Variants in AVEN observed in about 807,000 individuals in gnomAD.
AVEN encodes the protein apoptosis and caspase activation inhibitor.
AVEN carries 41 observed loss-of-function variants against 38.1 expected under a neutral mutation model. That is an observed-to-expected ratio of 1.08 (90% CI 0.84 to 1.40). AVEN has a LOEUF of 1.40. AVEN is among the 40% of genes most tolerant of loss of function. The probability of loss-of-function intolerance (pLI) is 0.00; values close to 1 mark genes in which losing one functional copy is unlikely to be tolerated. For synonymous variants in AVEN, 206 were observed against 171.8 expected (o/e 1.20, Z -1.56); for missense variants, 605 against 438.8 (o/e 1.38, Z -3.38).
chr15:33,925,501 C>A (rs972128250), intron 2 of AVEN, among the ~76,000 whole-genome samples: 1 of 152,146 alleles, frequency 6.6e-6, no homozygotes, highest in Non-Finnish European at 1.5e-5. Flanking sequence ...CCAGTCACTG[C>A]GGTGACAGCA....
intron 2 of AVEN, among the ~76,000 whole-genome samples, chr15:33,888,289 G>C (rs1259239840): frequency 6.6e-6 from 1 of 152,004 alleles, no homozygotes; most frequent in African/African-American, 2.4e-5. Flanking sequence ...CAGACACAAA[G>C]TCTTATGGGA....
intron 2 of AVEN, among the ~76,000 whole-genome samples, 189 bp from the exon 3 acceptor site, chr15:33,876,184 C>T (rs755082027): frequency 6.6e-6 from 1 of 150,494 alleles, no homozygotes; most frequent in African/African-American, 2.5e-5. Context: ...ACAATGTTAA[C>T]ATTTGATAAG....
chr15:33,860,940 C>T, intron 11 of AVEN: 1 of 622,196 alleles, frequency 1.6e-6, no homozygotes. Flanking sequence ...ATGTATGGCA[C>T]TACTGAGTGA....
intron 2 of AVEN, among the ~76,000 whole-genome samples, chr15:33,918,338 T>C (rs1893238745): frequency 6.6e-6 from 1 of 151,946 alleles, no homozygotes; most frequent in Non-Finnish European, 1.5e-5. Context: ...AAACTAATAA[T>C]AGGAACCTAG....
At chr15:33,992,719 A>T (rs1484070952) in intron 2 of AVEN, among the ~76,000 whole-genome samples, 2 of 152,222 alleles carry the variant, frequency 1.3e-5, no homozygotes, top group Non-Finnish European at 2.9e-5. Flanking sequence ...TTGTTGCCTC[A>T]TGGAAAGAAA....
intron 2 of AVEN, among the ~76,000 whole-genome samples, chr15:34,069,806 T>C (rs1469803404): frequency 6.6e-6 from 1 of 152,246 alleles, no homozygotes; most frequent in Non-Finnish European, 1.5e-5. Flanking sequence ...TGCTCCTATT[T>C]ATATTGAATT....
chr15:34,025,481 C>G (rs1898416007), intron 1 of AVEN, among the ~76,000 whole-genome samples: 1 of 152,156 alleles, frequency 6.6e-6, no homozygotes, highest in South Asian at 2.1e-4. Flanking sequence ...TGAAGACTCT[C>G]TTAAGTGTCC....
intron 4 of AVEN, among the ~76,000 whole-genome samples, chr15:33,870,165 G>C (rs1002369292): frequency 6.6e-6 from 1 of 152,006 alleles, no homozygotes; most frequent in African/African-American, 2.4e-5. Context: ...AAGTACCTCA[G>C]TACAGCCCTC....
downstream of AVEN, chr15:33,854,432 G>A: frequency 6.3e-7 from 1 of 1,575,624 alleles, no homozygotes; most frequent in Non-Finnish European, 8.6e-7. Flanking sequence ...GAAGCTTGGA[G>A]TTGTTTTTAC....
intron 2 of AVEN, among the ~76,000 whole-genome samples, chr15:33,947,731 A>G (rs1476546346): frequency 6.6e-6 from 1 of 152,120 alleles, no homozygotes. Flanking sequence ...AATATTTTTA[A>G]TCTGCTGTTG....
At chr15:33,935,034 CAG>C (rs1221564015) in intron 2 of AVEN, among the ~76,000 whole-genome samples, 1 of 152,180 alleles carries the variant, frequency 6.6e-6, no homozygotes, top group Non-Finnish European at 1.5e-5. Context: ...AGGATCCAAA[CAG>C]ATGATCACTA....
At chr15:33,857,710 A>T (rs1030153775), downstream of AVEN, 2 of 1,575,368 alleles carry the variant, frequency 1.3e-6, no homozygotes, top group Non-Finnish European at 1.7e-6. Context: ...GTTTTCTTAG[A>T]GTCTCCTGTG....
downstream of AVEN, chr15:33,854,865 A>G: frequency 6.2e-7 from 1 of 1,613,780 alleles, no homozygotes; most frequent in Non-Finnish European, 8.5e-7. Flanking sequence ...AATGGGCTTC[A>G]AGACACTGAG....
intron 2 of AVEN, among the ~76,000 whole-genome samples, chr15:33,878,676 T>C (rs1232160621): frequency 3.3e-5 from 5 of 152,196 alleles, no homozygotes; most frequent in Non-Finnish European, 2.9e-5. Flanking sequence ...GTAACGTTTG[T>C]AGCACATATT....
intron 2 of AVEN, among the ~76,000 whole-genome samples, chr15:33,924,010 GTAA>G (rs1053842166): frequency 6.6e-6 from 1 of 151,590 alleles, no homozygotes; most frequent in Non-Finnish European, 1.5e-5. Context: ...ATATTACAAT[GTAA>G]TAATAATAGA....
intron 3 of AVEN, among the ~76,000 whole-genome samples, chr15:33,874,556 T>C (rs748827167): frequency 2.0e-5 from 3 of 152,336 alleles, no homozygotes; most frequent in East Asian, 3.9e-4. Flanking sequence ...GCTATCTCTC[T>C]CAGTATTGTT....
At chr15:33,936,905 G>A (rs1894080355) in intron 2 of AVEN, among the ~76,000 whole-genome samples, 1 of 152,126 alleles carries the variant, frequency 6.6e-6, no homozygotes, top group Admixed American at 6.5e-5. Flanking sequence ...GCCGAGGCGG[G>A]CGGATCACGA....
chr15:34,073,104 G>A (rs1900662386), intron 1 of AVEN, among the ~76,000 whole-genome samples: 2 of 149,166 alleles, frequency 1.3e-5, no homozygotes, highest in South Asian at 4.2e-4. Context: ...GCAGTGGCAC[G>A]ATCTCGACTC....
At chr15:33,942,162 A>G (rs985841264) in intron 2 of AVEN, among the ~76,000 whole-genome samples, 5 of 152,214 alleles carry the variant, frequency 3.3e-5, no homozygotes, top group African/African-American at 1.2e-4. Context: ...ATTTCCAATT[A>G]CAGCTATTAC....
Sources: allele counts gnomAD v4.1 joint callset (sites outside exome capture counted in the v4.1 genomes callset), GRCh38; gene constraint gnomAD v4.1.1; transcripts MANE v1.5; gene names NCBI Gene and HGNC (gene_info 2026-07-23, HGNC 2026-07-21).